The following NR4A1 variants were observed in gnomAD, a reference collection of about 807,000 sequenced individuals.
NR4A1 encodes the protein nuclear receptor subfamily 4 group A member 1.
A neutral mutation model predicts 47.5 loss-of-function variants in NR4A1; 24 were observed. The observed-to-expected ratio is 0.50, with a 90% CI of 0.37 to 0.71. NR4A1 has a LOEUF of 0.71. NR4A1 is among the 30% of genes least tolerant of loss of function. NR4A1 has a pLI of 0.00. For missense variants in NR4A1, 669 were observed against 788.6 expected, an observed-to-expected ratio of 0.85 and a Z score of 1.82; for synonymous variants, 353 against 345.7, an observed-to-expected ratio of 1.02 and a Z score of -0.24.
rs1354263242 is a variant in NR4A1 at position 52,054,867 on chromosome 12, C to T, written c.539C>T (p.Ala180Val). The change falls in exon 2 of 7, where the codon GCC becomes GTC. Residue 180 changes from alanine to valine, a missense_variant. Physicochemically the swap from Ala to Val is moderately conservative, Grantham distance 64. Transcript: ENST00000394825. ...LRAWTEQLPK[A>V]SGPPQPPAFF... The stretch of plus-strand genomic sequence containing the variant: ...GCATGGACAGAGCAGCTGCCCAAAG[C>T]CTCTGGGCCCCCACAGCCTCCAGCC... 3 of 1,614,082 alleles carry T rather than the reference C, an allele frequency of 1.9e-6. No homozygotes were observed. Among genetic ancestry groups the T allele is most frequent in the Non-Finnish European group, 2.5e-6 (3 of 1,180,042 alleles).
At chr12:52,025,300 A>G (rs1937980299) in intron 1 of NR4A1, among the ~76,000 whole-genome samples, 1 of 152,106 alleles carries the variant, frequency 6.6e-6, no homozygotes, top group Admixed American at 6.5e-5. Flanking sequence ...ACCTCAGGTG[A>G]TCCACCTGCC....
At chr12:52,023,792 T>G (rs1331749790) in intron 1 of NR4A1, among the ~76,000 whole-genome samples, 7 of 151,928 alleles carry the variant, frequency 4.6e-5, no homozygotes, top group Non-Finnish European at 5.9e-5. Flanking sequence ...CCTCACAGGG[T>G]GCTGTGGCTC....
At chr12:52,052,323 G>GAGAGAGAGAA (rs146840622) in intron 1 of NR4A1, among the ~76,000 whole-genome samples, 6,261 of 144,378 alleles carry the variant, frequency 0.043, 173 homozygotes, top group East Asian at 0.061. Flanking sequence ...GAGAGAGAGA[G>GAGAGAGAGAA]AGAGAAAGAG....
chr12:52,028,112 G>A (rs1222355374), intron 1 of NR4A1, among the ~76,000 whole-genome samples: 1 of 147,460 alleles, frequency 6.8e-6, no homozygotes, highest in African/African-American at 2.5e-5. Context: ...TGAGATGGGA[G>A]GATCGCTTGA....
upstream of NR4A1, among the ~76,000 whole-genome samples, chr12:52,050,419 C>T (rs566696090): frequency 6.6e-6 from 1 of 152,336 alleles, no homozygotes; most frequent in South Asian, 2.1e-4. Flanking sequence ...CAGTGTGCCA[C>T]CACCTGGCTG....
At chr12:52,042,623 C>T (rs975141354) in intron 2 of NR4A1, among the ~76,000 whole-genome samples, 12 of 152,092 alleles carry the variant, frequency 7.9e-5, no homozygotes, top group Admixed American at 2.0e-4. Flanking sequence ...ACCATGCCTC[C>T]TGGGTGGCTG....
Position 52,059,012 on chromosome 12 carries a change from G to C in NR4A1, c.*68G>C. The C allele has an allele frequency of 6.5e-7, 1 of 1,529,786 alleles. No homozygotes were observed. Among genetic ancestry groups the C allele is most frequent in the East Asian group, 2.3e-5 (1 of 43,310 alleles). 94.8% of individuals were successfully genotyped at this position (1,529,786 alleles called of 1,614,324 possible). ...CCACCCCATGTGCCTTTAGTCCACGGACCCCCAGAGCACCCCCAAGCCTGG... is the reference window on the plus strand; with the variant it reads ...CCACCCCATGTGCCTTTAGTCCACGCACCCCCAGAGCACCCCCAAGCCTGG... On this transcript the variant is annotated 3_prime_UTR_variant, in exon 7 of 7. Transcript: ENST00000394825.
chr12:52,052,711 G>A, intron 1 of NR4A1: 1 of 956,538 alleles, frequency 1.0e-6, no homozygotes, highest in Non-Finnish European at 1.2e-6. Context: ...GGGTTGATCC[G>A]GATGTGGGAC....
upstream of NR4A1, among the ~76,000 whole-genome samples, chr12:52,048,076 C>G (rs780984118): frequency 1.3e-5 from 2 of 151,478 alleles, no homozygotes; most frequent in Non-Finnish European, 2.9e-5. Flanking sequence ...ATGGCATGAA[C>G]CTGGGAGGCG....
chr12:52,058,816 G>A lies in NR4A1; in HGVS notation c.1669G>A (p.Gly557Ser), dbSNP rs577412593. Reference protein sequence around the residue: ...QPASCLSRLLGKLPELRTLCT... With the variant: ...QPASCLSRLLSKLPELRTLCT... The stretch of plus-strand genomic sequence containing the variant: ...AGCCAGCTGCCTGTCACGTCTGTTG[G>A]GCAAACTGCCCGAGCTGCGGACCCT... Residue 557 changes from glycine (G) to serine (S), a missense_variant, in exon 7 of 7, where the codon GGC (glycine) becomes AGC (serine). Coordinates refer to ENST00000394825, the MANE Select transcript of NR4A1 (RefSeq NM_173157.3). 1 of 1,613,770 alleles carries A rather than the reference G, an allele frequency of 6.2e-7. No individual in the cohort carries two copies.
Position 52,054,846 on chromosome 12 carries a change from G to A in NR4A1, c.518G>A (p.Trp173Ter), listed in dbSNP as rs1316238255. 6.2e-7 allele frequency: 1 copy of A among 1,613,952 alleles called. No homozygotes were observed. The highest frequency in any genetic ancestry group is 8.5e-7 in the Non-Finnish European group (1 of 1,180,010). ...CAGACTTACGAAGGCCTGCGGGCAT[G>A]GACAGAGCAGCTGCCCAAAGCCTCT... ...PSQTYEGLRA[W>*]TEQLPKASGP... Residue 173 changes from tryptophan to a stop codon, truncating the protein, a stop_gained, in exon 2 of 7, where the codon TGG becomes TAG. Transcript: ENST00000394825. LOFTEE classifies it high-confidence loss of function.
intron 1 of NR4A1, chr12:52,038,614 A>T: frequency 1.4e-6 from 1 of 692,774 alleles, no homozygotes; most frequent in Non-Finnish European, 2.6e-6. Flanking sequence ...GCTTGCTCCT[A>T]GATCTACTCC....
intron 1 of NR4A1, chr12:52,037,495 C>T (rs935050086): frequency 7.7e-5 from 76 of 982,622 alleles, no homozygotes; most frequent in Admixed American, 2.5e-4. Context: ...GCCGGGCAAT[C>T]TCGGGTCTTC....
chr12:52,054,829 C>T lies in NR4A1; in HGVS notation c.501C>T (p.Tyr167=), dbSNP rs763726025. 62 of 1,613,676 alleles carry T rather than the reference C, an allele frequency of 3.8e-5. No individual in the cohort carries two copies. The highest frequency in any genetic ancestry group is 5.0e-5 in the Non-Finnish European group (59 of 1,179,990). Residue 167 remains tyrosine (Y), a synonymous_variant, in exon 2 of 7, where the codon TAC becomes TAT. Transcript: ENST00000394825. ...SFGHFSPSQT[Y]EGLRAWTEQL... ...GCCACTTCTCGCCCAGCCAGACTTA[C>T]GAAGGCCTGCGGGCATGGACAGAGC...
chr12:52,046,627 T>G, upstream of NR4A1, among the ~76,000 whole-genome samples: 1 of 152,200 alleles, frequency 6.6e-6, no homozygotes. Flanking sequence ...TCTCAATAAA[T>G]TACATCTGCA....
Position 52,057,028 on chromosome 12 carries a change from G to C in NR4A1, c.1159-29G>C, listed in dbSNP as rs370087840. 5.5e-4 allele frequency: 853 copies of C among 1,558,200 alleles called. 1 individual carries two copies. Among genetic ancestry groups the C allele is most frequent in the Non-Finnish European group, 6.8e-4 (787 of 1,149,458 alleles). ...CAGTGGGTGTAGGAGCCTGCCTGGG[G>C]TGCTGACCCCACTGGACCGTCTTCC... On this transcript the variant is annotated intron_variant, in intron 4 of 6. Transcript: ENST00000394825.
Position 52,056,407 on chromosome 12 carries a change from C to T in NR4A1, c.1007-87C>T, listed in dbSNP as rs1005817836. On this transcript the variant is annotated intron_variant, in intron 3 of 6. Coordinates refer to ENST00000394825, the MANE Select transcript of NR4A1 (RefSeq NM_173157.3). ...TCTGGGTCCTAGGGACTCGGTGGGG[C>T]GCGTCTCAGCAGTGGTGTGCACGGC... 25 of 1,527,152 alleles carry T rather than the reference C, an allele frequency of 1.6e-5. No homozygotes were observed. The Admixed American group carries it at 3.8e-4, about 23-fold the overall frequency. The allele number at this position is 1,527,152 out of a possible 1,614,324, so 94.6% of individuals were successfully genotyped here.
chr12:52,056,644 A>G lies in NR4A1; in HGVS notation c.1157A>G (p.Lys386Arg), dbSNP rs1399007552. ...GPSTAKLDYS[K>R]FQELVLPHFG... is the part of the protein sequence containing the mutation. ...AGCACTGCCAAACTGGACTACTCCA[A>G]GGTGAGGTCCCACCCCGTGTCTGCC... The change falls in exon 4 of 7, where the codon AAG becomes AGG. Residue 386 changes from lysine to arginine, a missense_variant and splice_region_variant. Coordinates refer to ENST00000394825, the MANE Select transcript of NR4A1 (RefSeq NM_173157.3). 3 of 1,581,476 alleles carry G rather than the reference A, an allele frequency of 1.9e-6. No individual in the cohort carries two copies. The highest frequency in any genetic ancestry group is 2.6e-6 in the Non-Finnish European group (3 of 1,169,062).
chr12:52,030,822 G>A (rs2701113), intron 1 of NR4A1, among the ~76,000 whole-genome samples: 105,204 of 152,072 alleles, frequency 0.69, 37,008 homozygotes, highest in African/African-American at 0.77. Flanking sequence ...AAAAGTCATC[G>A]GCACAGAGTC....
Sources: allele counts gnomAD v4.1 joint callset (sites outside exome capture counted in the v4.1 genomes callset), GRCh38; gene constraint gnomAD v4.1.1; transcripts MANE v1.5; gene names NCBI Gene and HGNC (gene_info 2026-07-23, HGNC 2026-07-21).